The following SEPTIN9 variants were observed in gnomAD, a reference collection of about 807,000 sequenced individuals.
SEPTIN9 encodes septin 9.
In SEPTIN9, 13 loss-of-function variants were observed where a neutral mutation model predicts 56.6. The ratio of observed to expected loss-of-function variants is 0.23; its 90% CI spans 0.15 to 0.37. SEPTIN9 has a LOEUF of 0.37. SEPTIN9 is among the 10% of genes least tolerant of loss of function. SEPTIN9 has a pLI of 1.00. For synonymous variants in SEPTIN9, 332 were observed against 334.1 expected (o/e 0.99, Z 0.07); for missense variants, 650 against 823.1 (o/e 0.79, Z 2.57).
At position 77,413,431 on chromosome 17, in the gene SEPTIN9, C is replaced by T. The variant is rs549287441; in HGVS notation, c.721+10728C>T. Among the ~76,000 whole-genome samples the T allele has an allele frequency of 4.6e-5, 7 of 152,058 alleles. No individual in the cohort carries two copies. In the South Asian group the frequency reaches 6.2e-4, roughly 14 times the overall value. ...TTATTTAAAATCCGTCAGCTTATTCCGAGGGGGTTGCTTTAGCTCGCTTAG... is the reference window on the plus strand; with the variant it reads ...TTATTTAAAATCCGTCAGCTTATTCTGAGGGGGTTGCTTTAGCTCGCTTAG... On this transcript the variant is annotated intron_variant, in intron 3 of 11. Transcript: ENST00000427177.
intron 2 of SEPTIN9, among the ~76,000 whole-genome samples, chr17:77,343,037 C>CTATCTATCTATCTA (rs1167779503): frequency 1.3e-4 from 18 of 141,538 alleles, no homozygotes; most frequent in African/African-American, 4.8e-4. Flanking sequence ...ATCTATCTAT[C>CTATCTATCTATCTA]TATCTAGTCT....
intron 3 of SEPTIN9, among the ~76,000 whole-genome samples, chr17:77,420,297 C>A (rs2036653123): frequency 6.6e-6 from 1 of 152,234 alleles, no homozygotes; most frequent in African/African-American, 2.4e-5. Context: ...CTCAGCTCCC[C>A]ATGTTCAGTC....
intron 3 of SEPTIN9, among the ~76,000 whole-genome samples, chr17:77,477,295 C>T (rs1411863508): frequency 6.6e-6 from 1 of 152,128 alleles, no homozygotes; most frequent in African/African-American, 2.4e-5. Flanking sequence ...ACGCCATCCT[C>T]GGTACACAGT....
At chr17:77,411,380 C>T (rs1007907385) in intron 3 of SEPTIN9, among the ~76,000 whole-genome samples, 2 of 149,920 alleles carry the variant, frequency 1.3e-5, no homozygotes, top group African/African-American at 2.5e-5. Context: ...AGATGTAGCA[C>T]GTTCCTTTTT....
chr17:77,388,343 C>T (rs973215926), intron 2 of SEPTIN9, among the ~76,000 whole-genome samples: 2 of 152,166 alleles, frequency 1.3e-5, no homozygotes, highest in African/African-American at 4.8e-5. Flanking sequence ...TCTTCTGCGT[C>T]CAGTTGCGGC....
At chr17:77,471,601 G>A (rs2038999220) in intron 3 of SEPTIN9, among the ~76,000 whole-genome samples, 1 of 152,278 alleles carries the variant, frequency 6.6e-6, no homozygotes, top group Non-Finnish European at 1.5e-5. Context: ...CTGGAGAGAG[G>A]GAAGCTCTGG....
At chr17:77,442,425 C>G (rs1246023626) in intron 3 of SEPTIN9, among the ~76,000 whole-genome samples, 1 of 150,064 alleles carries the variant, frequency 6.7e-6, no homozygotes, top group African/African-American at 2.5e-5. Flanking sequence ...TCTCAAACTC[C>G]TGACCTCGTG....
intron 2 of SEPTIN9, among the ~76,000 whole-genome samples, chr17:77,386,013 T>C (rs1415143981): frequency 1.3e-5 from 2 of 152,112 alleles, no homozygotes; most frequent in African/African-American, 4.8e-5. Flanking sequence ...CCCTTCCTGT[T>C]CCTCATCAGG....
chr17:77,397,979 G>GTT (rs35934255), intron 2 of SEPTIN9, among the ~76,000 whole-genome samples: 94 of 141,620 alleles, frequency 6.6e-4, no homozygotes, highest in East Asian at 1.7e-3. Context: ...GGTTTTGGTT[G>GTT]TTTTTTTTTT....
In SEPTIN9 at chr17:77,318,980, G is replaced by A. The variant is rs1310101270; in HGVS notation, c.76+11783G>A. ...AGTGTTTTGTCTGAAGAGCAGAACT[G>A]TCTTATACCAGCCCTGTGCGGCCAG... On this transcript the variant is annotated intron_variant, in intron 2 of 11. Transcript: ENST00000427177. This position sits in a 1 kb window ranked among gnomAD's most constrained non-coding sequence, Gnocchi z 4.9. Among the ~76,000 whole-genome samples, 2 of 152,238 alleles carry A rather than the reference G, an allele frequency of 1.3e-5. No individual in the cohort carries two copies. The highest frequency in any genetic ancestry group is 4.8e-5 in the African/African-American group (2 of 41,444).
chr17:77,434,841 C>T lies in SEPTIN9; in HGVS notation c.721+32138C>T, dbSNP rs560325474. Among the ~76,000 whole-genome samples the T allele has an allele frequency of 1.3e-5, 2 of 152,260 alleles. No individual in the cohort carries two copies. The highest frequency in any genetic ancestry group is 2.4e-5 in the African/African-American group (1 of 41,556). ...TCCTTAATTCAGGAGGGTAGCCAGT[C>T]GCTGGAACTAAGAGTGAACTTCAGC... On this transcript the variant is annotated intron_variant, in intron 3 of 11. Coordinates refer to ENST00000427177, the MANE Select transcript of SEPTIN9 (RefSeq NM_001113491.2). The surrounding 1 kb of genome is among the most constrained non-coding windows in gnomAD (Gnocchi z 5.0).
chr17:77,296,212 T>C (rs1160404011), intron 1 of SEPTIN9, among the ~76,000 whole-genome samples: 1 of 152,128 alleles, frequency 6.6e-6, no homozygotes, highest in African/African-American at 2.4e-5. Context: ...TTTGGGCCTC[T>C]CAAACTGAGA....
intron 7 of SEPTIN9, among the ~76,000 whole-genome samples, chr17:77,489,233 C>G (rs1309572185): frequency 6.6e-6 from 1 of 152,188 alleles, no homozygotes; most frequent in East Asian, 1.9e-4. Flanking sequence ...CTCATCCGGG[C>G]CCTGCCTCAT....
intron 3 of SEPTIN9, among the ~76,000 whole-genome samples, chr17:77,432,203 C>T (rs937825702): frequency 3.9e-5 from 6 of 152,184 alleles, no homozygotes; most frequent in African/African-American, 7.2e-5. Context: ...CAACTATGTT[C>T]CCCTCTGTAA....
rs915813550 is a variant in SEPTIN9, at chr17:77,434,379, G to C, written c.721+31676G>C. On this transcript the variant is annotated intron_variant, in intron 3 of 11. Coordinates refer to ENST00000427177, the MANE Select transcript of SEPTIN9 (RefSeq NM_001113491.2). The surrounding 1 kb of genome is among the most constrained non-coding windows in gnomAD (Gnocchi z 5.0). Reference sequence around the variant, plus strand: ...CCCGGCGTCCGCACAGGGTCTGCTGGTGGGTGGCTGAGGCTGCGGTGAGGT... The same window carrying C: ...CCCGGCGTCCGCACAGGGTCTGCTGCTGGGTGGCTGAGGCTGCGGTGAGGT... 5.9e-5 allele frequency among the ~76,000 whole-genome samples: 9 copies of C among 152,228 alleles called. No homozygotes were observed. Among genetic ancestry groups the C allele is most frequent in the African/African-American group, 1.4e-4 (6 of 41,446 alleles).
chr17:77,296,952 C>T (rs1423658021), intron 1 of SEPTIN9, among the ~76,000 whole-genome samples: 2 of 151,114 alleles, frequency 1.3e-5, no homozygotes, highest in Non-Finnish European at 3.0e-5. Flanking sequence ...TATAAATGAC[C>T]GATGGACAGG....
intron 1 of SEPTIN9, among the ~76,000 whole-genome samples, chr17:77,291,980 AAGGCC>A (rs1271869013): frequency 2.0e-5 from 3 of 152,204 alleles, no homozygotes; most frequent in Non-Finnish European, 4.4e-5. Context: ...TCCCCCTGCG[AAGGCC>A]CAGGGCTTCC....
At chr17:77,359,692 A>T (rs987095934) in intron 2 of SEPTIN9, among the ~76,000 whole-genome samples, 7 of 152,056 alleles carry the variant, frequency 4.6e-5, no homozygotes, top group African/African-American at 1.7e-4. Context: ...GCTACTCGAG[A>T]GGCTGAGATG....
chr17:77,432,113 G>A (rs758434753), intron 3 of SEPTIN9, among the ~76,000 whole-genome samples: 33 of 152,306 alleles, frequency 2.2e-4, no homozygotes, highest in Admixed American at 1.5e-3. Context: ...GTGAGGCCGT[G>A]TGAACCAGAG....
Sources: gnomAD v4.1 joint callset for allele counts (sites outside exome capture counted in the v4.1 genomes callset) on GRCh38, gnomAD v4.1.1 for gene constraint, Gnocchi (gnomAD v3.1) non-coding constraint, MANE v1.5 for transcripts, NCBI Gene and HGNC (gene_info 2026-07-23, HGNC 2026-07-21) for gene names.